Variants in FBXL17 observed in about 807,000 individuals in gnomAD.
The protein encoded by FBXL17 is F-box/LRR-repeat protein 17.
FBXL17 carries 22 observed loss-of-function variants against 66.2 expected under a neutral mutation model. That is an observed-to-expected ratio of 0.33 (90% confidence interval 0.24 to 0.47). The LOEUF is 0.47. Ranked by LOEUF, FBXL17 falls within the 20% of genes least tolerant of loss-of-function variation. FBXL17 has a pLI of 1.00. For missense variants in FBXL17, 878 were observed against 948.2 expected (o/e 0.93, Z 0.97); for synonymous variants, 474 against 400.5 (o/e 1.18, Z -2.19).
rs546438342 is a variant in FBXL17 at position 108,381,371 on chromosome 5, C to T, written c.321G>A (p.Leu107=). The change falls in exon 1 of 9, where the codon CTG becomes CTA. Residue 107 remains leucine (L), a synonymous_variant. Transcript: ENST00000542267. ...CAGCAGCGGCGCAGTCCTCGGCGGC[C>T]AGGGCCGCGTAGCGCCGCGCCAGGT... ...SQHLARRYAA[L]AAEDCAAAAR... is the part of the protein sequence containing the mutation. The T allele has an allele frequency of 2.2e-6, 3 of 1,334,474 alleles. No homozygotes were observed. The highest frequency in any genetic ancestry group is 9.5e-7 in the Non-Finnish European group (1 of 1,051,522). The allele number at this position is 1,334,474 out of a possible 1,614,324, so 82.7% of individuals were successfully genotyped here.
chr5:108,117,171 C>G (rs1000312554), intron 6 of FBXL17, among the ~76,000 whole-genome samples: 2 of 152,130 alleles, frequency 1.3e-5, no homozygotes, highest in Non-Finnish European at 2.9e-5. Flanking sequence ...AACTGATTGA[C>G]TAATGCATAC....
intron 6 of FBXL17, among the ~76,000 whole-genome samples, chr5:108,163,533 G>T (rs13173024): frequency 6.6e-6 from 1 of 151,512 alleles, no homozygotes; most frequent in Admixed American, 6.6e-5. Context: ...CCCGAGTAGC[G>T]GGGACTACAG....
rs373487506 is a variant in FBXL17 at position 107,872,911 on chromosome 5, GACAA to G, written c.1965+8122_1965+8125del. 9.8e-5 allele frequency among the ~76,000 whole-genome samples: 15 copies of G among 152,320 alleles called. No individual in the cohort carries two copies. In the South Asian group the frequency reaches 3.1e-3, roughly 32 times the overall value. Reference sequence around the variant, plus strand: ...CAGTCTGGTGAAATGGAAGACAAGAGACAAACATTCTCTGGCAGGACGGAGTGGT... The same window carrying G: ...CAGTCTGGTGAAATGGAAGACAAGAGACATTCTCTGGCAGGACGGAGTGGT... On this transcript the variant is annotated intron_variant, in intron 8 of 8. Coordinates refer to ENST00000542267, the MANE Select transcript of FBXL17 (RefSeq NM_001163315.3).
intron 6 of FBXL17, among the ~76,000 whole-genome samples, chr5:108,171,849 G>C (rs1028712048): frequency 6.6e-6 from 1 of 152,124 alleles, no homozygotes; most frequent in Non-Finnish European, 1.5e-5. Context: ...TGAATCATGG[G>C]GGCAGGTCTT....
chr5:108,155,425 G>C (rs1387450422), intron 6 of FBXL17, among the ~76,000 whole-genome samples: 1 of 152,148 alleles, frequency 6.6e-6, no homozygotes, highest in African/African-American at 2.4e-5. Flanking sequence ...TGAGGCAGGA[G>C]AATCACTGGA....
chr5:108,042,858 A>G (rs1348364837), intron 6 of FBXL17, among the ~76,000 whole-genome samples: 2 of 152,218 alleles, frequency 1.3e-5, no homozygotes, highest in African/African-American at 4.8e-5. Flanking sequence ...CTTTAACAAT[A>G]TATGAGTGAT....
At chr5:107,965,390 T>A (rs1384870629) in intron 7 of FBXL17, among the ~76,000 whole-genome samples, 1 of 152,160 alleles carries the variant, frequency 6.6e-6, no homozygotes, top group Non-Finnish European at 1.5e-5. Flanking sequence ...AGAAATCAAT[T>A]GCAGAATTCT....
Position 108,058,127 on chromosome 5 carries a change from G to A in FBXL17, c.1746-37126C>T, listed in dbSNP as rs377069109. On this transcript the variant is annotated intron_variant, in intron 6 of 8. Coordinates refer to ENST00000542267, the MANE Select transcript of FBXL17 (RefSeq NM_001163315.3). ...AGTTACCTAACATTAGTGAACACTC[G>A]GTAGTAATGGTAATCTGTTAAGTAT... Among the ~76,000 whole-genome samples the A allele has an allele frequency of 1.3e-3, 196 of 152,260 alleles. 6 individuals carry two copies. In the South Asian group the frequency reaches 0.037, roughly 29 times the overall value.
At chr5:108,094,851 C>G (rs561017100) in intron 6 of FBXL17, among the ~76,000 whole-genome samples, 5 of 145,970 alleles carry the variant, frequency 3.4e-5, no homozygotes, top group South Asian at 2.2e-4. Context: ...GAGGTTATAT[C>G]AAAATTGACA....
chr5:107,944,232 C>T (rs776037963), intron 7 of FBXL17, among the ~76,000 whole-genome samples: 3 of 152,176 alleles, frequency 2.0e-5, no homozygotes, highest in African/African-American at 4.8e-5. Flanking sequence ...ATTTACACAT[C>T]TGGTTGTCTT....
chr5:108,239,060 A>C (rs1487897197), intron 4 of FBXL17, among the ~76,000 whole-genome samples: 1 of 151,580 alleles, frequency 6.6e-6, no homozygotes, highest in Non-Finnish European at 1.5e-5. Context: ...TATAACTTTG[A>C]CATTTTTTTT....
At chr5:108,115,462 A>G (rs145558113) in intron 6 of FBXL17, among the ~76,000 whole-genome samples, 2 of 152,244 alleles carry the variant, frequency 1.3e-5, no homozygotes, top group African/African-American at 2.4e-5. Context: ...AACTGTTTCT[A>G]TGTAAATCTC....
chr5:108,253,382 C>A (rs1020510129), intron 4 of FBXL17, among the ~76,000 whole-genome samples: 1 of 152,046 alleles, frequency 6.6e-6, no homozygotes, highest in Non-Finnish European at 1.5e-5. Context: ...ATTTTTAAAT[C>A]TTTTCTCATG....
chr5:108,007,404 A>T lies in FBXL17; in HGVS notation c.1822+13521T>A, dbSNP rs994830847. ...AGAGTCCACACAAATCATATATTACAATCACAAGCTGGAAGGGATCCGATC... is the reference window on the plus strand; with the variant it reads ...AGAGTCCACACAAATCATATATTACTATCACAAGCTGGAAGGGATCCGATC... On this transcript the variant is annotated intron_variant, in intron 7 of 8. Transcript: ENST00000542267. Among the ~76,000 whole-genome samples, 2 of 152,294 alleles carry T rather than the reference A, an allele frequency of 1.3e-5. 1 individual carries two copies. Among genetic ancestry groups the T allele is most frequent in the South Asian group, 4.1e-4 (2 of 4,832 alleles).
At chr5:108,284,688 C>T (rs971759373) in intron 4 of FBXL17, among the ~76,000 whole-genome samples, 1 of 151,752 alleles carries the variant, frequency 6.6e-6, no homozygotes, top group African/African-American at 2.4e-5. Context: ...CACATGTACC[C>T]CATAAATTTA....
chr5:107,955,310 G>A (rs1751626173), intron 7 of FBXL17, among the ~76,000 whole-genome samples: 1 of 151,922 alleles, frequency 6.6e-6, no homozygotes, highest in African/African-American at 2.4e-5. Flanking sequence ...AAAAAAATTA[G>A]AGTGTCTAAC....
At chr5:108,279,822 CA>C (rs904036832) in intron 4 of FBXL17, among the ~76,000 whole-genome samples, 1 of 150,760 alleles carries the variant, frequency 6.6e-6, no homozygotes, top group African/African-American at 2.4e-5. Flanking sequence ...GAAGGAAATA[CA>C]AAATATATTC....
chr5:108,368,158 G>T (rs759652895), intron 1 of FBXL17, among the ~76,000 whole-genome samples: 2 of 151,930 alleles, frequency 1.3e-5, no homozygotes, highest in East Asian at 3.9e-4. Context: ...TATATTTTCT[G>T]TAAGAAGAGG....
intron 4 of FBXL17, among the ~76,000 whole-genome samples, chr5:108,268,218 A>C (rs1030961482): frequency 3.3e-5 from 5 of 152,054 alleles, no homozygotes; most frequent in Non-Finnish European, 5.9e-5. Context: ...AATCATAAGT[A>C]AGTGACACTT....
Sources: gnomAD v4.1 joint callset for allele counts (sites outside exome capture counted in the v4.1 genomes callset) on GRCh38, gnomAD v4.1.1 for gene constraint, MANE v1.5 for transcripts, NCBI Gene and HGNC (gene_info 2026-07-23, HGNC 2026-07-21) for gene names.